Variants in SHROOM3 observed in about 807,000 individuals in gnomAD.
The protein encoded by SHROOM3 is protein Shroom3.
Under a neutral mutation model 138.6 loss-of-function variants are expected in SHROOM3, and 47 were observed. The ratio of observed to expected loss-of-function variants is 0.34; its 90% CI spans 0.27 to 0.43. The LOEUF (loss-of-function observed/expected upper bound fraction) is 0.43. Ranked by LOEUF, SHROOM3 falls within the 20% of genes least tolerant of loss-of-function variation. The pLI, the probability that SHROOM3 is intolerant of heterozygous loss-of-function variation, is 1.00. For synonymous variants in SHROOM3, 1,062 were observed against 1,063.3 expected (o/e 1.00, Z 0.02); for missense variants, 2,491 against 2,596.5 (o/e 0.96, Z 0.88).
At position 76,750,822 on chromosome 4, in the gene SHROOM3, A is replaced by C. The variant is rs183166320; in HGVS notation, c.3827+1732A>C. Among the ~76,000 whole-genome samples, 7 of 152,290 alleles carry C rather than the reference A, an allele frequency of 4.6e-5. 1 individual carries two copies. In the South Asian group the frequency reaches 1.2e-3, roughly 27 times the overall value. ...ATTAGTTCTGTGTTTAAAAAAAAAA[A>C]AAAACTTTCTGAGCTGTAAAAATGC... On this transcript the variant is annotated intron_variant, in intron 6 of 10. Coordinates refer to ENST00000296043, the MANE Select transcript of SHROOM3 (RefSeq NM_020859.4).
chr4:76,629,324 C>A (rs55648412), intron 2 of SHROOM3, among the ~76,000 whole-genome samples: 10,450 of 152,092 alleles, frequency 0.069, 1,189 homozygotes, highest in African/African-American at 0.23. Context: ...GTGGCTGGGG[C>A]AGAGTGAGTG....
chr4:76,552,070 C>A (rs965176356), intron 1 of SHROOM3, among the ~76,000 whole-genome samples: 2 of 148,396 alleles, frequency 1.3e-5, no homozygotes, highest in Non-Finnish European at 3.0e-5. Flanking sequence ...ACCGTGTTAG[C>A]CAGGATGGAC....
chr4:76,663,688 C>A (rs917426483), intron 2 of SHROOM3, among the ~76,000 whole-genome samples: 4 of 152,162 alleles, frequency 2.6e-5, no homozygotes, highest in African/African-American at 4.8e-5. Flanking sequence ...CACTGCTGCG[C>A]ACAGCTTTGG....
At chr4:76,456,771 A>G (rs553222340) in intron 1 of SHROOM3, among the ~76,000 whole-genome samples, 1 of 152,338 alleles carries the variant, frequency 6.6e-6, no homozygotes, top group Admixed American at 6.5e-5. Context: ...AAAGCTTTTA[A>G]TCACCTGGGT....
intron 1 of SHROOM3, 32 bp downstream of exon 1, chr4:76,436,252 C>A: frequency 6.2e-7 from 1 of 1,611,982 alleles, no homozygotes; most frequent in South Asian, 1.1e-5. Context: ...TGCCTTTATT[C>A]AAATTGTTTT....
intron 2 of SHROOM3, among the ~76,000 whole-genome samples, chr4:76,637,917 C>G (rs1413197175): frequency 6.6e-6 from 1 of 152,128 alleles, no homozygotes; most frequent in East Asian, 1.9e-4. Context: ...GAGGTCAGGT[C>G]TGGCAGGGTT....
At chr4:76,631,203 C>CTTTTTTTT (rs71212436) in intron 2 of SHROOM3, among the ~76,000 whole-genome samples, 8 of 104,204 alleles carry the variant, frequency 7.7e-5, no homozygotes, top group East Asian at 2.9e-4. Context: ...TTTTTTTAAT[C>CTTTTTTTT]TTTTTTTTTT....
intron 1 of SHROOM3, among the ~76,000 whole-genome samples, chr4:76,547,932 A>AACACACACAC (rs57089323): frequency 0.32 from 46,746 of 145,910 alleles, 7,375 homozygotes; most frequent in Admixed American, 0.38. Context: ...CCTGTCTCAA[A>AACACACACAC]ACACACACAC....
At chr4:76,441,484 C>T (rs1003054710) in intron 1 of SHROOM3, among the ~76,000 whole-genome samples, 1 of 152,198 alleles carries the variant, frequency 6.6e-6, no homozygotes, top group African/African-American at 2.4e-5. Flanking sequence ...CTCCTTCCAA[C>T]TACCACATTA....
At chr4:76,711,282 C>A (rs1032035808) in intron 3 of SHROOM3, among the ~76,000 whole-genome samples, 1 of 152,094 alleles carries the variant, frequency 6.6e-6, no homozygotes, top group South Asian at 2.1e-4. Flanking sequence ...ATAACTGATC[C>A]GCCTCCTAGG....
chr4:76,753,181 G>T (rs1721688154), intron 6 of SHROOM3, among the ~76,000 whole-genome samples: 1 of 152,238 alleles, frequency 6.6e-6, no homozygotes, highest in Non-Finnish European at 1.5e-5. Context: ...GAATGAAAGG[G>T]ACTGGTCATG....
chr4:76,593,119 C>A (rs573140121), intron 2 of SHROOM3, among the ~76,000 whole-genome samples: 2 of 152,296 alleles, frequency 1.3e-5, no homozygotes, highest in African/African-American at 4.8e-5. Context: ...CAGGGATATT[C>A]TTGCTCTAGA....
At position 76,740,383 on chromosome 4, in the gene SHROOM3, G is replaced by A. The variant is rs373075353; in HGVS notation, c.2210G>A (p.Ser737Asn). ...ACCGGTGCCTCGGCTTCTTTCAACA[G>A]CACAGACCCAAGTCCCGAAGAGCCG... is the stretch of plus-strand genomic sequence containing the variant. ...GRTGASASFN[S>N]TDPSPEEPPA... is the part of the protein sequence containing the mutation. The change falls in exon 5 of 11, where the codon AGC becomes AAC. Residue 737 changes from serine to asparagine, a missense_variant. By Grantham distance (46) the Ser-to-Asn change is conservative. This residue lies in a region of SHROOM3 where 1,733 missense variants were observed against 1,661.6 expected (regional missense o/e 1.04). Transcript: ENST00000296043. This position sits in a 1 kb window ranked among gnomAD's most constrained non-coding sequence, Gnocchi z 4.0. 1.1e-5 allele frequency: 17 copies of A among 1,612,958 alleles called. No individual in the cohort carries two copies. The highest frequency in any genetic ancestry group is 5.0e-5 in the Admixed American group (3 of 60,016).
intron 2 of SHROOM3, among the ~76,000 whole-genome samples, chr4:76,660,894 G>T (rs1475257148): frequency 6.6e-6 from 1 of 152,070 alleles, no homozygotes; most frequent in Non-Finnish European, 1.5e-5. Flanking sequence ...CCCTGAACTG[G>T]TCTCAAGTAA....
intron 2 of SHROOM3, among the ~76,000 whole-genome samples, chr4:76,563,893 G>T (rs1300413098): frequency 6.6e-6 from 1 of 152,196 alleles, no homozygotes; most frequent in Non-Finnish European, 1.5e-5. Context: ...AAGGCCCGAT[G>T]CTGTGCTCTG....
At chr4:76,666,725 C>G (rs1230562939) in intron 2 of SHROOM3, among the ~76,000 whole-genome samples, 2 of 152,180 alleles carry the variant, frequency 1.3e-5, no homozygotes, top group East Asian at 3.9e-4. Context: ...ATCTTAATTT[C>G]TTAAAAGGAA....
chr4:76,757,363 C>A (rs1444412070), intron 8 of SHROOM3, among the ~76,000 whole-genome samples: 1 of 152,252 alleles, frequency 6.6e-6, no homozygotes, highest in South Asian at 2.1e-4. Context: ...TGATCACAGC[C>A]CCATGACTGT....
chr4:76,562,189 C>T (rs181122493), intron 2 of SHROOM3, among the ~76,000 whole-genome samples: 6 of 152,242 alleles, frequency 3.9e-5, no homozygotes, highest in African/African-American at 1.4e-4. Flanking sequence ...TCTGCAGCAG[C>T]CTCTGGAAAT....
chr4:76,561,339 G>A (rs1405345003), intron 2 of SHROOM3, among the ~76,000 whole-genome samples: 2 of 152,160 alleles, frequency 1.3e-5, no homozygotes, highest in Non-Finnish European at 2.9e-5. Flanking sequence ...AGATTGAGGA[G>A]AAAGCAGCAT....
Sources: allele counts gnomAD v4.1 joint callset (sites outside exome capture counted in the v4.1 genomes callset), GRCh38; gene constraint gnomAD v4.1.1; regional missense constraint gnomAD v4.1.1; non-coding constraint Gnocchi (gnomAD v3.1); transcripts MANE v1.5; gene names NCBI Gene and HGNC (gene_info 2026-07-23, HGNC 2026-07-21).